Variants in PKIA observed in about 807,000 individuals in gnomAD.
PKIA encodes the protein PKI-alpha.
A neutral mutation model predicts 7.6 loss-of-function variants in PKIA; 4 were observed. The observed-to-expected ratio is 0.52, with a 90% CI of 0.26 to 1.20. PKIA has a LOEUF of 1.20. PKIA is among the 50% of genes most tolerant of loss of function. The pLI is 0.13. For missense variants in PKIA, 73 were observed against 86.2 expected (o/e 0.85, Z 0.61); for synonymous variants, 21 against 30.7 (o/e 0.68, Z 1.04).
At chr8:78,517,539 G>C (rs1267514655) in intron 1 of PKIA, among the ~76,000 whole-genome samples, 2 of 152,186 alleles carry the variant, frequency 1.3e-5, no homozygotes, top group African/African-American at 2.4e-5. Context: ...TTTGCCTCTA[G>C]GATTCCTCAA....
intron 1 of PKIA, among the ~76,000 whole-genome samples, chr8:78,549,112 C>G (rs1563575359): frequency 6.6e-6 from 1 of 151,962 alleles, no homozygotes; most frequent in Non-Finnish European, 1.5e-5. Flanking sequence ...GAAAGCTGCA[C>G]TGGGTATATG....
chr8:78,574,638 C>CA (rs557393451), intron 2 of PKIA, among the ~76,000 whole-genome samples: 171 of 151,978 alleles, frequency 1.1e-3, no homozygotes, highest in African/African-American at 4.0e-3. Context: ...AAACTGGTTT[C>CA]AAAATAAGAG....
chr8:78,541,112 C>A (rs1806676071), intron 1 of PKIA, among the ~76,000 whole-genome samples: 1 of 152,116 alleles, frequency 6.6e-6, no homozygotes, highest in East Asian at 1.9e-4. Flanking sequence ...TGCATTTCCC[C>A]TATGAATCCA....
intron 1 of PKIA, among the ~76,000 whole-genome samples, chr8:78,568,559 C>A (rs972410704): frequency 1.3e-5 from 2 of 151,988 alleles, no homozygotes; most frequent in Admixed American, 6.6e-5. Context: ...TAGGAGGCAC[C>A]AAATAGTGAA....
chr8:78,549,810 C>A (rs892386241), intron 1 of PKIA, among the ~76,000 whole-genome samples: 1 of 150,948 alleles, frequency 6.6e-6, no homozygotes, highest in Non-Finnish European at 1.5e-5. Flanking sequence ...AAACAAAGGT[C>A]CATTTTGTGC....
At chr8:78,581,357 T>G (rs943443515) in intron 2 of PKIA, among the ~76,000 whole-genome samples, 2 of 152,122 alleles carry the variant, frequency 1.3e-5, no homozygotes, top group African/African-American at 4.8e-5. Context: ...ATTGAATACA[T>G]TATGTTTGGT....
chr8:78,569,990 GA>G (rs1447300564), intron 1 of PKIA, among the ~76,000 whole-genome samples: 1 of 152,000 alleles, frequency 6.6e-6, no homozygotes, highest in Non-Finnish European at 1.5e-5. Flanking sequence ...AAACAGAGAG[GA>G]AAACATAGGC....
intron 1 of PKIA, among the ~76,000 whole-genome samples, chr8:78,527,651 T>C (rs1265956501): frequency 6.6e-6 from 1 of 152,080 alleles, no homozygotes; most frequent in Admixed American, 6.6e-5. Flanking sequence ...TTGCTTTATA[T>C]GTCATATTAA....
chr8:78,590,813 A>G (rs1022242217), intron 2 of PKIA, among the ~76,000 whole-genome samples: 3 of 152,104 alleles, frequency 2.0e-5, no homozygotes, highest in Non-Finnish European at 4.4e-5. Flanking sequence ...CTGGAGAATG[A>G]AAGCTAAGTG....
In PKIA at chr8:78,604,905, T is replaced by C. The variant is rs1808438511; in HGVS notation, c.*3084T>C. Reference sequence around the variant, plus strand: ...TAGATAATACTCCCAGAACAGCCAATGGTAAATGCCCTATACTTGAGTCTT... The same window carrying C: ...TAGATAATACTCCCAGAACAGCCAACGGTAAATGCCCTATACTTGAGTCTT... On this transcript the variant is annotated 3_prime_UTR_variant, in exon 4 of 4. Transcript: ENST00000396418. The C allele has an allele frequency of 6.6e-6, 1 of 151,998 alleles. No homozygotes were observed. Among genetic ancestry groups the C allele is most frequent in the South Asian group, 2.1e-4 (1 of 4,830 alleles). 9.4% of individuals were successfully genotyped at this position (151,998 alleles called of 1,614,324 possible). A position where few individuals can be genotyped will look rare whatever the true frequency, so the allele number is the denominator to read the frequency against.
chr8:78,551,106 G>A (rs559164923), intron 1 of PKIA, among the ~76,000 whole-genome samples: 2 of 152,054 alleles, frequency 1.3e-5, no homozygotes, highest in Admixed American at 1.3e-4. Flanking sequence ...ATTAATACTT[G>A]ACTGAATTTT....
chr8:78,577,475 G>A (rs919754577), intron 2 of PKIA, among the ~76,000 whole-genome samples: 14 of 151,316 alleles, frequency 9.3e-5, no homozygotes, highest in Admixed American at 2.6e-4. Flanking sequence ...ACCTGCACAT[G>A]TACCACTGAA....
intron 1 of PKIA, among the ~76,000 whole-genome samples, chr8:78,523,167 A>G (rs1428588180): frequency 6.6e-6 from 1 of 151,968 alleles, no homozygotes; most frequent in African/African-American, 2.4e-5. Context: ...TTGAGTATCT[A>G]CTTAAAACTA....
chr8:78,562,092 C>T (rs1338035392), intron 1 of PKIA, among the ~76,000 whole-genome samples: 2 of 152,136 alleles, frequency 1.3e-5, no homozygotes, highest in Non-Finnish European at 1.5e-5. Context: ...AACCTCTTAT[C>T]GAGCCTCCAG....
chr8:78,574,813 T>A (rs1021220218), intron 2 of PKIA, among the ~76,000 whole-genome samples: 2 of 152,006 alleles, frequency 1.3e-5, no homozygotes, highest in African/African-American at 4.8e-5. Flanking sequence ...CACCTTATTC[T>A]TTTCCTGCAT....
At chr8:78,517,292 C>CA (rs1809334261) in intron 1 of PKIA, among the ~76,000 whole-genome samples, 1 of 152,174 alleles carries the variant, frequency 6.6e-6, no homozygotes, top group Admixed American at 6.5e-5. Flanking sequence ...CCTGTACCAA[C>CA]ATGTTATCCC....
At chr8:78,518,458 GAAT>G (rs1390955866) in intron 1 of PKIA, among the ~76,000 whole-genome samples, 12 of 151,900 alleles carry the variant, frequency 7.9e-5, no homozygotes, top group Non-Finnish European at 1.5e-4. Flanking sequence ...TCATTATTCT[GAAT>G]AATACTAATA....
chr8:78,580,731 C>T (rs1439625313), intron 2 of PKIA, among the ~76,000 whole-genome samples: 1 of 151,854 alleles, frequency 6.6e-6, no homozygotes, highest in Non-Finnish European at 1.5e-5. Flanking sequence ...GGAGATTGAT[C>T]TAATAAGTGC....
At position 78,605,061 on chromosome 8, in the gene PKIA, G is replaced by C. The variant is rs181875757; in HGVS notation, c.*3240G>C. 9.4e-4 allele frequency: 143 copies of C among 152,074 alleles called. No individual in the cohort carries two copies. Among genetic ancestry groups the C allele is most frequent in the African/African-American group, 3.2e-3 (133 of 41,518 alleles). 9.4% of individuals were successfully genotyped at this position (152,074 alleles called of 1,614,324 possible). ...CTTCTAAGTGAAACCTGTAGTAGCA[G>C]TAGTAGTAGGGAGAAAATGTGTAGT... On this transcript the variant is annotated 3_prime_UTR_variant, in exon 4 of 4. Transcript: ENST00000396418.
Sources: allele counts gnomAD v4.1 joint callset (sites outside exome capture counted in the v4.1 genomes callset), GRCh38; gene constraint gnomAD v4.1.1; transcripts MANE v1.5; gene names NCBI Gene and HGNC (gene_info 2026-07-23, HGNC 2026-07-21).